The following RTN4RL1 variants were observed in gnomAD, a reference collection of about 807,000 sequenced individuals.
RTN4RL1 encodes reticulon 4 receptor like 1.
A neutral mutation model predicts 25.6 loss-of-function variants in RTN4RL1; 7 were observed. That is an observed-to-expected ratio of 0.27 (90% confidence interval 0.16 to 0.51). The LOEUF is 0.51. Among genes scored for constraint, RTN4RL1 ranks in the 20% least tolerant of loss-of-function variants. The pLI, the probability that RTN4RL1 is intolerant of heterozygous loss-of-function variation, is 0.97. For missense variants in RTN4RL1, 500 were observed against 615.6 expected (o/e 0.81, Z 1.99); for synonymous variants, 297 against 288.2 (o/e 1.03, Z -0.31).
intron 1 of RTN4RL1, chr17:1,995,737 C>G (rs1217039834): frequency 6.6e-6 from 1 of 152,238 alleles, no homozygotes; most frequent in Non-Finnish European, 1.5e-5. Context: ...CTAATTGGTT[C>G]GAATCGATTG....
At chr17:1,961,173 A>C (rs1200977742) in intron 1 of RTN4RL1, among the ~76,000 whole-genome samples, 2 of 152,224 alleles carry the variant, frequency 1.3e-5, no homozygotes, top group Non-Finnish European at 2.9e-5. Flanking sequence ...CACTCGGATG[A>C]AGCCATCTAC....
chr17:2,024,970 G>A lies in RTN4RL1; in HGVS notation c.-105C>T. ...GCTGCAGCTAATCCGAGCGCGTCGA[G>A]GCGGGGGCAAGCCGGGGATCCGCTC... On this transcript the variant is annotated 5_prime_UTR_variant, in exon 1 of 2. Transcript: ENST00000331238. 4 of 1,281,154 alleles carry A rather than the reference G, an allele frequency of 3.1e-6. No individual in the cohort carries two copies. The South Asian group carries it at 4.0e-5, about 13-fold the overall frequency. 79.4% of individuals were successfully genotyped at this position (1,281,154 alleles called of 1,614,324 possible). A position where few individuals can be genotyped will look rare whatever the true frequency, so the allele number is the denominator to read the frequency against.
intron 1 of RTN4RL1, among the ~76,000 whole-genome samples, chr17:1,962,205 G>A (rs927214381): frequency 2.6e-5 from 4 of 151,242 alleles, no homozygotes; most frequent in African/African-American, 9.7e-5. Context: ...GCTTGAGCCT[G>A]GGAGGTGAAG....
chr17:1,979,173 T>C lies in RTN4RL1; in HGVS notation c.14-41365A>G, dbSNP rs376370140. ...CTGTAATCCCAGTTATTCAGGAGGC[T>C]GAGGCAGGAGAATTGCTTGAACCTG... is the stretch of plus-strand genomic sequence containing the variant. On this transcript the variant is annotated intron_variant, in intron 1 of 1. Transcript: ENST00000331238. 4.2e-4 allele frequency among the ~76,000 whole-genome samples: 64 copies of C among 152,362 alleles called. 1 individual carries two copies. Among genetic ancestry groups the C allele is most frequent in the African/African-American group, 1.4e-3 (59 of 41,588 alleles).
chr17:1,944,304 C>T (rs1271181871), intron 1 of RTN4RL1, among the ~76,000 whole-genome samples: 2 of 152,138 alleles, frequency 1.3e-5, no homozygotes, highest in Admixed American at 6.5e-5. Flanking sequence ...CAGCGTGGCC[C>T]TCTTGTCTGC....
intron 1 of RTN4RL1, among the ~76,000 whole-genome samples, chr17:1,999,870 T>G (rs1337668171): frequency 6.6e-6 from 1 of 152,222 alleles, no homozygotes; most frequent in East Asian, 1.9e-4. Context: ...CCTTGCCTCT[T>G]CTCGCCTCTC....
At chr17:1,951,062 G>C (rs939159634) in intron 1 of RTN4RL1, among the ~76,000 whole-genome samples, 2 of 151,622 alleles carry the variant, frequency 1.3e-5, no homozygotes, top group Admixed American at 6.6e-5. Flanking sequence ...TCAGGAGATC[G>C]AGACCATCCT....
intron 1 of RTN4RL1, among the ~76,000 whole-genome samples, chr17:1,999,206 G>GGGAGGC (rs2066944940): frequency 6.6e-6 from 1 of 151,202 alleles, no homozygotes; most frequent in Admixed American, 6.6e-5. Context: ...TCAGCACTTT[G>GGGAGGC]GGAGGCGGAG....
At chr17:2,002,438 GCCCGCCACCTCGCCTGGCTAATTTTT>G (rs1567521907) in intron 1 of RTN4RL1, among the ~76,000 whole-genome samples, 348 of 148,272 alleles carry the variant, frequency 2.3e-3, no homozygotes, top group African/African-American at 8.4e-3. Flanking sequence ...GACTACAGGC[GCCCGCCACCTCGCCTGGCTAATTTTT>G]TGTATTTTTA....
At chr17:1,968,242 A>C (rs978925305) in intron 1 of RTN4RL1, among the ~76,000 whole-genome samples, 12 of 152,058 alleles carry the variant, frequency 7.9e-5, no homozygotes, top group Admixed American at 7.9e-4. Flanking sequence ...AGCATTCCCC[A>C]AATGAAAAGC....
rs536630582 is a variant in RTN4RL1, at chr17:1,942,114, T to C, written c.14-4306A>G. Among the ~76,000 whole-genome samples, 5 of 152,204 alleles carry C rather than the reference T, an allele frequency of 3.3e-5. No individual in the cohort carries two copies. In the East Asian group the frequency reaches 9.7e-4, roughly 29 times the overall value. On this transcript the variant is annotated intron_variant, in intron 1 of 1. Coordinates refer to ENST00000331238, the MANE Select transcript of RTN4RL1 (RefSeq NM_178568.4). ...CAGGGGTGGCTCTGCCAGAGGGGGC[T>C]GAGGAGAGCAAGGCCGGGCCTCCCC...
At chr17:1,972,337 A>AG (rs2066824171) in intron 1 of RTN4RL1, among the ~76,000 whole-genome samples, 1 of 150,882 alleles carries the variant, frequency 6.6e-6, no homozygotes, top group Non-Finnish European at 1.5e-5. Context: ...TAAAAATTTA[A>AG]AAAAAAAAGT....
rs558803121 is a variant in RTN4RL1 at position 2,013,653 on chromosome 17, C to G, written c.13+11200G>C. Among the ~76,000 whole-genome samples the G allele has an allele frequency of 6.5e-5, 8 of 122,492 alleles. 1 individual carries two copies. Among genetic ancestry groups the G allele is most frequent in the East Asian group, 3.2e-4 (1 of 3,152 alleles). The allele number at this position is 122,492 out of a possible 152,430, so 80.4% of individuals were successfully genotyped here. On this transcript the variant is annotated intron_variant, in intron 1 of 1. Transcript: ENST00000331238. The stretch of plus-strand genomic sequence containing the variant: ...ACCCTGGAACATAAATACCCCAGCT[C>G]TCTCACCCTGGAACATAAATACCCC...
At chr17:1,984,110 C>CA (rs1409644915) in intron 1 of RTN4RL1, among the ~76,000 whole-genome samples, 1 of 152,208 alleles carries the variant, frequency 6.6e-6, no homozygotes, top group African/African-American at 2.4e-5. Context: ...CACAATATCA[C>CA]AGAGTCCAAA....
intron 1 of RTN4RL1, among the ~76,000 whole-genome samples, chr17:1,995,900 T>C (rs545648478): frequency 2.0e-5 from 3 of 152,182 alleles, no homozygotes; most frequent in South Asian, 4.1e-4. Flanking sequence ...AGAGCCAGCG[T>C]CTCCCCTGTT....
chr17:1,986,603 G>A lies in RTN4RL1; in HGVS notation c.13+38250C>T, dbSNP rs9910048. Among the ~76,000 whole-genome samples the A allele has an allele frequency of 8.6e-3, 1,311 of 152,242 alleles. 18 individuals are homozygous for A. The highest frequency in any genetic ancestry group is 0.03 in the African/African-American group (1,234 of 41,520). ...GAGACTGGAGCGATGCAGCCACAGA[G>A]AACCCCCACGGCCCCCAGAAGCTGG... On this transcript the variant is annotated intron_variant, in intron 1 of 1. Coordinates refer to ENST00000331238, the MANE Select transcript of RTN4RL1 (RefSeq NM_178568.4).
At chr17:1,977,605 C>T (rs1322643938) in intron 1 of RTN4RL1, among the ~76,000 whole-genome samples, 1 of 152,140 alleles carries the variant, frequency 6.6e-6, no homozygotes, top group Non-Finnish European at 1.5e-5. Flanking sequence ...TGGCCAGAGA[C>T]CGCGGGGCCT....
Position 2,008,789 on chromosome 17 carries a change from T to C in RTN4RL1, c.13+16064A>G, listed in dbSNP as rs558399922. On this transcript the variant is annotated intron_variant, in intron 1 of 1. Coordinates refer to ENST00000331238, the MANE Select transcript of RTN4RL1 (RefSeq NM_178568.4). Reference sequence around the variant, plus strand: ...CTTTCCAACCTTCCTGTCAAGCCTCTCTTCCTCTCACAAAGCCTCCCAGGT... The same window carrying C: ...CTTTCCAACCTTCCTGTCAAGCCTCCCTTCCTCTCACAAAGCCTCCCAGGT... 2.6e-5 allele frequency among the ~76,000 whole-genome samples: 4 copies of C among 152,148 alleles called. No individual in the cohort carries two copies. The East Asian group carries it at 7.7e-4, about 29-fold the overall frequency.
At chr17:2,008,594 C>CA (rs2067018884) in intron 1 of RTN4RL1, among the ~76,000 whole-genome samples, 2 of 151,918 alleles carry the variant, frequency 1.3e-5, no homozygotes, top group South Asian at 4.1e-4. Context: ...TTGGGAAGTT[C>CA]AAAAAAATTC....
Sources: allele counts gnomAD v4.1 joint callset (sites outside exome capture counted in the v4.1 genomes callset), GRCh38; gene constraint gnomAD v4.1.1; transcripts MANE v1.5; gene names NCBI Gene and HGNC (gene_info 2026-07-23, HGNC 2026-07-21).